The following AFAP1 variants were observed in gnomAD, a reference collection of about 807,000 sequenced individuals.
AFAP1 encodes actin filament associated protein 1, also known as actin filament-associated protein 1.
AFAP1 carries 75 observed loss-of-function variants against 93.9 expected under a neutral mutation model. That is an observed-to-expected ratio of 0.80 (90% CI 0.66 to 0.97). AFAP1 has a LOEUF of 0.97. Ranked by LOEUF, AFAP1 falls within the 50% of genes least tolerant of loss-of-function variation. The pLI is 0.00. For synonymous variants in AFAP1, 517 were observed against 430.7 expected (o/e 1.20, Z -2.48); for missense variants, 1,201 against 1,050.8 (o/e 1.14, Z -1.98).
intron 4 of AFAP1, among the ~76,000 whole-genome samples, chr4:7,854,761 C>T (rs1040096713): frequency 3.3e-5 from 5 of 152,116 alleles, no homozygotes; most frequent in African/African-American, 1.2e-4. Flanking sequence ...AGTTGACATA[C>T]ATTCAGGTAT....
intron 1 of AFAP1, among the ~76,000 whole-genome samples, chr4:7,908,306 C>T (rs926121965): frequency 6.6e-6 from 1 of 152,198 alleles, no homozygotes; most frequent in African/African-American, 2.4e-5. Context: ...ACACAGGGTG[C>T]CCCTTTATCT....
intron 1 of AFAP1, among the ~76,000 whole-genome samples, chr4:7,904,069 G>C (rs946784338): frequency 4.6e-5 from 7 of 151,394 alleles, no homozygotes. Flanking sequence ...TGCTGAATTT[G>C]CCAGCTTGCC....
chr4:7,905,168 A>G (rs1008386685), intron 1 of AFAP1, among the ~76,000 whole-genome samples: 1 of 152,228 alleles, frequency 6.6e-6, no homozygotes, highest in Non-Finnish European at 1.5e-5. Flanking sequence ...CTCAGAGACT[A>G]AACAGAAGGA....
rs1270835135 is a variant in AFAP1 at position 7,761,139 on chromosome 4, CAGATAT to C, written c.*2620_*2625del. ...ATGGCTCGCGTGTGTCTAATATGTA[CAGATAT>C]AAATTAAAAACTATATTTATTGAAC... On this transcript the variant is annotated 3_prime_UTR_variant, in exon 18 of 18. Transcript: ENST00000420658. 3.3e-5 allele frequency: 5 copies of C among 152,194 alleles called. No individual in the cohort carries two copies. Among genetic ancestry groups the C allele is most frequent in the Non-Finnish European group, 7.3e-5 (5 of 68,036 alleles). 9.4% of individuals were successfully genotyped at this position (152,194 alleles called of 1,614,324 possible). A position where few individuals can be genotyped will look rare whatever the true frequency, so the allele number is the denominator to read the frequency against.
Position 7,774,915 on chromosome 4 carries a change from A to G in AFAP1, c.1898-12T>C, listed in dbSNP as rs1286075700. 2 of 1,597,004 alleles carry G rather than the reference A, an allele frequency of 1.3e-6. No individual in the cohort carries two copies. The highest frequency in any genetic ancestry group is 1.7e-6 in the Non-Finnish European group (2 of 1,174,910). On this transcript the variant is annotated splice_polypyrimidine_tract_variant and intron_variant, in intron 14 of 17. Coordinates refer to ENST00000420658, the MANE Select transcript of AFAP1 (RefSeq NM_001134647.2). ...GTACTGGGCAGCATCTTGAGAAGAA[A>G]AAAAAGCAGCAATTAAAAATTAGGT...
rs34238719 is a variant in AFAP1 at position 7,883,185 on chromosome 4, C to CAAA, written c.-2-11108_-2-11106dup. 7.0e-3 allele frequency among the ~76,000 whole-genome samples: 348 copies of CAAA among 49,484 alleles called. 5 individuals are homozygous for CAAA. Among genetic ancestry groups the CAAA allele is most frequent in the Non-Finnish European group, 0.011 (276 of 25,424 alleles). 32.5% of individuals were successfully genotyped at this position (49,484 alleles called of 152,430 possible). The stretch of plus-strand genomic sequence containing the variant: ...TGGGCAACAGAGTGAAACCCTATCT[C>CAAA]AAAAAAAAAAAAAAAAAAAAAAGAG... On this transcript the variant is annotated intron_variant, in intron 1 of 17. Coordinates refer to ENST00000420658, the MANE Select transcript of AFAP1 (RefSeq NM_001134647.2).
intron 1 of AFAP1, among the ~76,000 whole-genome samples, chr4:7,894,785 G>A (rs1182529554): frequency 6.6e-6 from 1 of 152,158 alleles, no homozygotes; most frequent in Admixed American, 6.5e-5. Context: ...GAAAGATGGG[G>A]GCCCTAGGTT....
intron 1 of AFAP1, among the ~76,000 whole-genome samples, chr4:7,891,743 TAAAAAAAAAAAA>T (rs778916445): frequency 3.2e-5 from 2 of 62,802 alleles, no homozygotes; most frequent in Non-Finnish European, 6.0e-5. Flanking sequence ...ATGGTCTCAT[TAAAAAAAAAAAA>T]AAAAAAAAAA....
intron 1 of AFAP1, among the ~76,000 whole-genome samples, chr4:7,898,808 AGTGTGTGTGTGTGT>A (rs56404898): frequency 7.3e-6 from 1 of 136,954 alleles, no homozygotes; most frequent in Non-Finnish European, 1.6e-5. Context: ...GGGCAGTAGA[AGTGTGTGTGTGTGT>A]GTGTGTGTGT....
chr4:7,935,643 CAA>C (rs2149248322), intron 1 of AFAP1, among the ~76,000 whole-genome samples: 1 of 152,232 alleles, frequency 6.6e-6, no homozygotes, highest in East Asian at 1.9e-4. Flanking sequence ...CATAAGCTGA[CAA>C]AAGAGAAGTC....
intron 1 of AFAP1, among the ~76,000 whole-genome samples, chr4:7,938,096 A>C (rs922208756): frequency 2.6e-5 from 4 of 152,166 alleles, no homozygotes; most frequent in Admixed American, 2.6e-4. Context: ...AAAGCTTCAG[A>C]GAGAAGGGAG....
intron 3 of AFAP1, among the ~76,000 whole-genome samples, chr4:7,856,519 T>C (rs957528593): frequency 3.3e-5 from 5 of 152,106 alleles, no homozygotes; most frequent in South Asian, 4.2e-4. Context: ...GGATTACAGG[T>C]GTCAGCCACC....
intron 1 of AFAP1, among the ~76,000 whole-genome samples, chr4:7,915,946 A>T (rs1720063212): frequency 6.6e-6 from 1 of 152,216 alleles, no homozygotes; most frequent in Admixed American, 6.5e-5. Flanking sequence ...GTGGAAAAAT[A>T]GGAGGGAGAG....
At chr4:7,919,115 A>C (rs1720292875) in intron 1 of AFAP1, among the ~76,000 whole-genome samples, 1 of 151,814 alleles carries the variant, frequency 6.6e-6, no homozygotes, top group African/African-American at 2.4e-5. Context: ...GGCCCAGATC[A>C]CTAGAAAAAC....
intron 1 of AFAP1, among the ~76,000 whole-genome samples, chr4:7,885,339 G>A (rs909131349): frequency 2.6e-5 from 4 of 152,084 alleles, no homozygotes; most frequent in East Asian, 1.9e-4. Context: ...CTCTCTGCCC[G>A]GTATGCTTAA....
At position 7,784,249 on chromosome 4, in the gene AFAP1, C is replaced by T. The variant is rs139332587; in HGVS notation, c.1530+1945G>A. 2.0e-5 allele frequency among the ~76,000 whole-genome samples: 3 copies of T among 152,056 alleles called. No homozygotes were observed. In the East Asian group the frequency reaches 5.8e-4, roughly 29 times the overall value. On this transcript the variant is annotated intron_variant, in intron 12 of 17. Coordinates refer to ENST00000420658, the MANE Select transcript of AFAP1 (RefSeq NM_001134647.2). The stretch of plus-strand genomic sequence containing the variant: ...ATACCCCTCCGCCTAAGATGGGGGG[C>T]TCTACTGGATGGACTCTGAAGCTAG...
chr4:7,894,707 T>C (rs1209293647), intron 1 of AFAP1, among the ~76,000 whole-genome samples: 1 of 152,172 alleles, frequency 6.6e-6, no homozygotes, highest in African/African-American at 2.4e-5. Flanking sequence ...CTTCGCATCA[T>C]GTGACCCACC....
intron 15 of AFAP1, chr4:7,774,518 G>T (rs1715885542): frequency 1.6e-6 from 1 of 643,398 alleles, no homozygotes; most frequent in South Asian, 2.3e-5. Flanking sequence ...TGTGGGTCTG[G>T]CCCTGGCCTC....
intron 11 of AFAP1, among the ~76,000 whole-genome samples, chr4:7,790,912 T>C (rs1356913090): frequency 1.3e-5 from 2 of 152,224 alleles, no homozygotes; most frequent in Admixed American, 6.5e-5. Flanking sequence ...CTAGTTCCAC[T>C]TGTCAAGGCT....
Sources: allele counts gnomAD v4.1 joint callset (sites outside exome capture counted in the v4.1 genomes callset), GRCh38; gene constraint gnomAD v4.1.1; transcripts MANE v1.5; gene names NCBI Gene and HGNC (gene_info 2026-07-23, HGNC 2026-07-21).